The following NTM variants were observed in gnomAD, a reference collection of about 807,000 sequenced individuals.
NTM encodes the protein IgLON family member 2.
Under a neutral mutation model 42.1 loss-of-function variants are expected in NTM, and 13 were observed. That is an observed-to-expected ratio of 0.31 (90% confidence interval 0.20 to 0.49). The LOEUF is 0.49. Among genes scored for constraint, NTM ranks in the 20% least tolerant of loss-of-function variants. NTM has a pLI of 0.99. For missense variants in NTM, 373 were observed against 452.8 expected, an observed-to-expected ratio of 0.82 and a Z score of 1.60; for synonymous variants, 187 against 179.2, an observed-to-expected ratio of 1.04 and a Z score of -0.35.
At chr11:131,858,108 A>G (rs1185962910) in intron 1 of NTM, among the ~76,000 whole-genome samples, 1 of 152,036 alleles carries the variant, frequency 6.6e-6, no homozygotes, top group African/African-American at 2.4e-5. Context: ...GTTCTGGAAT[A>G]CATAAGTTGT....
At chr11:132,011,239 A>G (rs1422717668) in intron 2 of NTM, among the ~76,000 whole-genome samples, 1 of 152,116 alleles carries the variant, frequency 6.6e-6, no homozygotes, top group East Asian at 1.9e-4. Flanking sequence ...AAAATAATAA[A>G]CTGAGAGGGG....
chr11:131,644,608 A>G (rs1474124948), intron 1 of NTM, among the ~76,000 whole-genome samples: 1 of 152,200 alleles, frequency 6.6e-6, no homozygotes, highest in Non-Finnish European at 1.5e-5. Flanking sequence ...GGAATTGAGA[A>G]ATCCTTTCAT....
At chr11:132,317,939 T>G (rs1483312710) in intron 7 of NTM, among the ~76,000 whole-genome samples, 4 of 152,196 alleles carry the variant, frequency 2.6e-5, no homozygotes, top group Non-Finnish European at 4.4e-5. Flanking sequence ...CGTTAAATTC[T>G]CAATGCCCAG....
chr11:131,524,238 T>C (rs955300843), intron 1 of NTM, among the ~76,000 whole-genome samples: 2 of 150,284 alleles, frequency 1.3e-5, no homozygotes, highest in Admixed American at 6.6e-5. Flanking sequence ...ATGGGCTCCT[T>C]CTTCTCTGTG....
intron 2 of NTM, among the ~76,000 whole-genome samples, chr11:131,960,096 A>G (rs1405408971): frequency 1.3e-5 from 2 of 152,130 alleles, no homozygotes; most frequent in Non-Finnish European, 2.9e-5. Flanking sequence ...ATCTCCTTAA[A>G]TACTTGAGGT....
chr11:131,775,998 C>T (rs2086906521), intron 1 of NTM, among the ~76,000 whole-genome samples: 1 of 152,186 alleles, frequency 6.6e-6, no homozygotes, highest in Admixed American at 6.5e-5. Context: ...GGAAACTCAA[C>T]AGAAGTTCTT....
At chr11:132,136,877 A>T (rs1283009476) in intron 2 of NTM, among the ~76,000 whole-genome samples, 1 of 152,144 alleles carries the variant, frequency 6.6e-6, no homozygotes, top group East Asian at 1.9e-4. Flanking sequence ...AGCCCCAGAG[A>T]TGAAGCCAGG....
chr11:131,848,298 C>T (rs1400171056), intron 1 of NTM, among the ~76,000 whole-genome samples: 2 of 152,198 alleles, frequency 1.3e-5, no homozygotes, highest in Non-Finnish European at 2.9e-5. Flanking sequence ...ATGATACCTG[C>T]AGTAGCCATA....
Position 131,924,246 on chromosome 11 carries a change from ATG to A in NTM, c.167+12601_167+12602del, listed in dbSNP as rs528214028. 4.3e-3 allele frequency among the ~76,000 whole-genome samples: 657 copies of A among 152,214 alleles called. 6 individuals carry two copies. The highest frequency in any genetic ancestry group is 0.015 in the African/African-American group (628 of 41,536). On this transcript the variant is annotated intron_variant, in intron 2 of 8. Transcript: ENST00000683400. ...ATCAACGCAGTTCATTGCTTTTGGC[ATG>A]TGACTTGTGGTCTCGGGGCCAAGGT...
chr11:132,217,108 G>A (rs1381892314), intron 4 of NTM, among the ~76,000 whole-genome samples: 3 of 152,132 alleles, frequency 2.0e-5, no homozygotes, highest in African/African-American at 7.2e-5. Context: ...ATTCTAGTGG[G>A]CATCTGGCCC....
chr11:131,455,933 T>C (rs565702363), intron 1 of NTM, among the ~76,000 whole-genome samples: 13 of 152,364 alleles, frequency 8.5e-5, no homozygotes, highest in African/African-American at 3.1e-4. Flanking sequence ...GTATGTCTGA[T>C]GAACAAAGAG....
At chr11:131,941,646 A>G (rs549910619) in intron 2 of NTM, among the ~76,000 whole-genome samples, 2 of 151,982 alleles carry the variant, frequency 1.3e-5, no homozygotes, top group Non-Finnish European at 2.9e-5. Flanking sequence ...ACTTTGTTTG[A>G]CTCCTACCAC....
intron 1 of NTM, among the ~76,000 whole-genome samples, chr11:131,869,037 T>C (rs1201956741): frequency 6.6e-6 from 1 of 152,136 alleles, no homozygotes; most frequent in African/African-American, 2.4e-5. Flanking sequence ...TTTATGGTGG[T>C]TTCCTCAGCT....
At chr11:131,533,856 T>G (rs1407137499) in intron 1 of NTM, 3 of 152,228 alleles carry the variant, frequency 2.0e-5, no homozygotes, top group Admixed American at 6.5e-5. Context: ...CAATGATATC[T>G]AAGAACTAGA....
chr11:132,062,082 G>A (rs950463446), intron 2 of NTM, among the ~76,000 whole-genome samples: 3 of 152,096 alleles, frequency 2.0e-5, no homozygotes, highest in Non-Finnish European at 4.4e-5. Context: ...TTCTGAAGCA[G>A]GTACAGTCAC....
chr11:131,588,891 G>C (rs2137260838), intron 1 of NTM, among the ~76,000 whole-genome samples: 1 of 152,328 alleles, frequency 6.6e-6, no homozygotes. Flanking sequence ...CTCATGTGCT[G>C]TGATTTGGGT....
chr11:131,571,639 CGTT>C (rs751415629), intron 1 of NTM, among the ~76,000 whole-genome samples: 11 of 152,202 alleles, frequency 7.2e-5, no homozygotes, highest in Non-Finnish European at 1.0e-4. Flanking sequence ...GCTGGAAAAA[CGTT>C]GTGTTTAGGG....
At chr11:132,190,193 G>C in intron 3 of NTM, among the ~76,000 whole-genome samples, 1 of 152,176 alleles carries the variant, frequency 6.6e-6, no homozygotes, top group East Asian at 1.9e-4. Flanking sequence ...AATGAGAAGA[G>C]AGAGACATCA....
chr11:132,049,826 G>A (rs2078598968), intron 2 of NTM, among the ~76,000 whole-genome samples: 1 of 152,174 alleles, frequency 6.6e-6, no homozygotes, highest in South Asian at 2.1e-4. Flanking sequence ...GTTTTTGCCG[G>A]TCAGACATGT....
Sources: allele counts gnomAD v4.1 joint callset (sites outside exome capture counted in the v4.1 genomes callset), GRCh38; gene constraint gnomAD v4.1.1; transcripts MANE v1.5; gene names NCBI Gene and HGNC (gene_info 2026-07-23, HGNC 2026-07-21).